C15orf40: variants seen among roughly 807,000 people sequenced by gnomAD.
C15orf40 encodes the protein UPF0235 protein C15orf40.
Under a neutral mutation model 13.9 loss-of-function variants are expected in C15orf40, and 9 were observed. The observed-to-expected ratio is 0.65, with a 90% CI of 0.39 to 1.13. The LOEUF is 1.13. C15orf40 is among the 50% of genes most tolerant of loss of function. The probability of loss-of-function intolerance (pLI) is 0.01; values close to 1 mark genes in which losing one functional copy is unlikely to be tolerated. For synonymous variants in C15orf40, 95 were observed against 69.2 expected, an observed-to-expected ratio of 1.37 and a Z score of -1.85; for missense variants, 225 against 188.5, an observed-to-expected ratio of 1.19 and a Z score of -1.13.
intron 1 of C15orf40, chr15:83,010,769 A>G: frequency 6.0e-6 from 1 of 165,304 alleles, no homozygotes; most frequent in Non-Finnish European, 1.3e-5. Flanking sequence ...AAAAAAAAAT[A>G]GTGCTTGATA....
intron 2 of C15orf40, among the ~76,000 whole-genome samples, chr15:83,009,934 G>A (rs1025348047): frequency 6.6e-6 from 1 of 152,072 alleles, no homozygotes; most frequent in Non-Finnish European, 1.5e-5. Context: ...CTCCAGTTTT[G>A]GAACAGGACA....
rs2032005658 is a variant in C15orf40, at chr15:83,011,417, C to G, written c.111+80G>C. 2.1e-6 allele frequency: 3 copies of G among 1,463,174 alleles called. No individual in the cohort carries two copies. In the South Asian group the frequency reaches 3.8e-5, roughly 18 times the overall value. 90.6% of individuals were successfully genotyped at this position (1,463,174 alleles called of 1,614,324 possible). The stretch of plus-strand genomic sequence containing the variant: ...GCCGCTGGCAGTGCCTCCACTCACT[C>G]CCGGGCCCCGCTTCTCCCGCGCTCT... On this transcript the variant is annotated intron_variant, in intron 1 of 3. Transcript: ENST00000304177.
rs990290124 is a variant in C15orf40 at position 83,001,208 on chromosome 15, A to T, written c.*4389T>A. ...TGTGGAATGGCTCACAGAAATCAGA[A>T]GTCTGAAATCTCTGCTCCTGCCTCC... is the stretch of plus-strand genomic sequence containing the variant. On this transcript the variant is annotated 3_prime_UTR_variant, in exon 4 of 4. Coordinates refer to ENST00000304177, the MANE Select transcript of C15orf40 (RefSeq NM_144597.3). 19 of 985,346 alleles carry T rather than the reference A, an allele frequency of 1.9e-5. No homozygotes were observed. The highest frequency in any genetic ancestry group is 2.2e-5 in the Non-Finnish European group (18 of 829,958). The allele number at this position is 985,346 out of a possible 1,614,324, so 61.0% of individuals were successfully genotyped here. A position where few individuals can be genotyped will look rare whatever the true frequency, so the allele number is the denominator to read the frequency against.
downstream of C15orf40, chr15:82,992,137 G>C (rs2030889337): frequency 2.7e-6 from 1 of 368,970 alleles, no homozygotes; most frequent in Non-Finnish European, 5.3e-6. Context: ...GCTCCCTTGA[G>C]TCCGGGAAGA....
Position 83,001,273 on chromosome 15 carries a change from C to T in C15orf40, c.*4324G>A, listed in dbSNP as rs1234482869. The T allele has an allele frequency of 1.0e-5, 10 of 985,292 alleles. No homozygotes were observed. The highest frequency in any genetic ancestry group is 3.5e-5 in the African/African-American group (2 of 57,226). The allele number at this position is 985,292 out of a possible 1,614,324, so 61.0% of individuals were successfully genotyped here. On this transcript the variant is annotated 3_prime_UTR_variant, in exon 4 of 4. Coordinates refer to ENST00000304177, the MANE Select transcript of C15orf40 (RefSeq NM_144597.3). ...CAGGCTGTTCTTTCCCAGGATCTGT[C>T]GAAGTACAGCATAGGCAAACCACCT...
Position 83,001,213 on chromosome 15 carries a change from G to C in C15orf40, c.*4384C>G. On this transcript the variant is annotated 3_prime_UTR_variant, in exon 4 of 4. Coordinates refer to ENST00000304177, the MANE Select transcript of C15orf40 (RefSeq NM_144597.3). Reference sequence around the variant, plus strand: ...AATGGCTCACAGAAATCAGAAGTCTGAAATCTCTGCTCCTGCCTCCAGGGC... The same window carrying C: ...AATGGCTCACAGAAATCAGAAGTCTCAAATCTCTGCTCCTGCCTCCAGGGC... The C allele has an allele frequency of 1.0e-6, 1 of 985,474 alleles. No homozygotes were observed. The highest frequency in any genetic ancestry group is 1.2e-6 in the Non-Finnish European group (1 of 829,956). The allele number at this position is 985,474 out of a possible 1,614,324, so 61.0% of individuals were successfully genotyped here. A position where few individuals can be genotyped will look rare whatever the true frequency, so the allele number is the denominator to read the frequency against.
rs1233431882 is a variant in C15orf40 at position 83,000,672 on chromosome 15, T to A, written c.*4925A>T. The A allele has an allele frequency of 6.6e-6, 1 of 152,216 alleles. No individual in the cohort carries two copies. Among genetic ancestry groups the A allele is most frequent in the African/African-American group, 2.4e-5 (1 of 41,462 alleles). 9.4% of individuals were successfully genotyped at this position (152,216 alleles called of 1,614,324 possible). ...CACTAGTTACATGCATTAAAACAAT[T>A]TGAATTTGGGGCCATGTGGGTTCTA... On this transcript the variant is annotated 3_prime_UTR_variant, in exon 4 of 4. Coordinates refer to ENST00000304177, the MANE Select transcript of C15orf40 (RefSeq NM_144597.3).
At chr15:82,990,896 A>G, downstream of C15orf40, 1 of 430,286 alleles carries the variant, frequency 2.3e-6, no homozygotes. Context: ...ACAATGTTAT[A>G]TTCACTTCCA....
rs1305085886 is a variant in C15orf40, at chr15:82,997,919, G to C, written c.*7678C>G. 8.2e-6 allele frequency: 1 copy of C among 122,640 alleles called. No homozygotes were observed. The highest frequency in any genetic ancestry group is 1.7e-5 in the Non-Finnish European group (1 of 58,546). The allele number at this position is 122,640 out of a possible 1,614,324, so 7.6% of individuals were successfully genotyped here. ...TCCCAGTAGGGGCGGCCGGGCAGAGGCGCCCCTCACCTCCCAGACGGGGCG... is the reference window on the plus strand; with the variant it reads ...TCCCAGTAGGGGCGGCCGGGCAGAGCCGCCCCTCACCTCCCAGACGGGGCG... On this transcript the variant is annotated 3_prime_UTR_variant, in exon 4 of 4. Coordinates refer to ENST00000304177, the MANE Select transcript of C15orf40 (RefSeq NM_144597.3).
At chr15:83,008,433 A>G in intron 3 of C15orf40, 115 bp downstream of exon 3, 1 of 1,049,734 alleles carries the variant, frequency 9.5e-7, no homozygotes, top group Non-Finnish European at 1.4e-6. Flanking sequence ...GCAGGAGAAT[A>G]GCTTGAACCC....
Position 83,001,119 on chromosome 15 carries a change from G to A in C15orf40, c.*4478C>T. ...TAAGCCACTGCACTGGCCTAGGTGT[G>A]CACTGCAAAGGTTCCACCTTCATCC... On this transcript the variant is annotated 3_prime_UTR_variant, in exon 4 of 4. Coordinates refer to ENST00000304177, the MANE Select transcript of C15orf40 (RefSeq NM_144597.3). 1 of 985,470 alleles carries A rather than the reference G, an allele frequency of 1.0e-6. No homozygotes were observed. Among genetic ancestry groups the A allele is most frequent in the Non-Finnish European group, 1.2e-6 (1 of 829,942 alleles). 61.0% of individuals were successfully genotyped at this position (985,470 alleles called of 1,614,324 possible).
rs2151281964 is a variant in C15orf40 at position 83,001,670 on chromosome 15, T to A, written c.*3927A>T. On this transcript the variant is annotated 3_prime_UTR_variant, in exon 4 of 4. Transcript: ENST00000304177. ...GTCTACTTCAGTATTTACAGGGGAA[T>A]ACCAGGGCCCAGATGATGAAAAGTA... The A allele has an allele frequency of 6.6e-6, 1 of 152,304 alleles. No individual in the cohort carries two copies. Among genetic ancestry groups the A allele is most frequent in the Admixed American group, 6.5e-5 (1 of 15,296 alleles). 9.4% of individuals were successfully genotyped at this position (152,304 alleles called of 1,614,324 possible). A position where few individuals can be genotyped will look rare whatever the true frequency, so the allele number is the denominator to read the frequency against.
downstream of C15orf40, among the ~76,000 whole-genome samples, chr15:82,992,671 G>A (rs1398687405): frequency 1.3e-5 from 2 of 152,178 alleles, no homozygotes; most frequent in Non-Finnish European, 2.9e-5. Flanking sequence ...GGCCAGCGCT[G>A]GAGGAGTACT....
downstream of C15orf40, chr15:82,992,166 C>T (rs2030890557): frequency 5.5e-6 from 2 of 361,230 alleles, no homozygotes; most frequent in Admixed American, 7.5e-5. Flanking sequence ...CTACAGTGAG[C>T]TAGGATCATG....
In C15orf40 at chr15:82,997,339, G is replaced by A. The variant is rs2031144284; in HGVS notation, c.*8258C>T. The A allele has an allele frequency of 2.0e-5, 3 of 147,224 alleles. No individual in the cohort carries two copies. The highest frequency in any genetic ancestry group is 6.9e-3 in the Middle Eastern group (2 of 290). 9.1% of individuals were successfully genotyped at this position (147,224 alleles called of 1,614,324 possible). On this transcript the variant is annotated 3_prime_UTR_variant, in exon 4 of 4. Coordinates refer to ENST00000304177, the MANE Select transcript of C15orf40 (RefSeq NM_144597.3). ...AAGGTCTCTGGTTTTCCTAGGCAGA[G>A]GACCCTGCGGCCTTCCGCAGTGTTT...
intron 1 of C15orf40, 170 bp downstream of exon 1, chr15:83,011,327 G>C (rs1027898672): frequency 1.5e-5 from 10 of 675,286 alleles, no homozygotes; most frequent in Middle Eastern, 4.5e-4. Context: ...GCGGGGCGAC[G>C]GCAGCAGGCC....
rs973781097 is a variant in C15orf40 at position 83,010,545 on chromosome 15, C to G, written c.112-182G>C. On this transcript the variant is annotated intron_variant, in intron 1 of 3. Coordinates refer to ENST00000304177, the MANE Select transcript of C15orf40 (RefSeq NM_144597.3). ...TTCAAGGCTCTACTCAATTTTCCCA[C>G]GAAGGGTTCCCATCAACCCAACAGT... The G allele has an allele frequency of 3.8e-5, 24 of 624,794 alleles. No homozygotes were observed. In the African/African-American group the frequency reaches 4.3e-4, roughly 11 times the overall value. 38.7% of individuals were successfully genotyped at this position (624,794 alleles called of 1,614,324 possible).
Position 83,002,264 on chromosome 15 carries a change from G to T in C15orf40, c.*3333C>A, listed in dbSNP as rs981909741. The T allele has an allele frequency of 2.0e-5, 3 of 152,170 alleles. No homozygotes were observed. Among genetic ancestry groups the T allele is most frequent in the African/African-American group, 7.2e-5 (3 of 41,414 alleles). 9.4% of individuals were successfully genotyped at this position (152,170 alleles called of 1,614,324 possible). ...CATATCTTCTTTGTTACAAGATACT[G>T]CTACGTTTCTCAAAGAAAAAAACTC... is the stretch of plus-strand genomic sequence containing the variant. On this transcript the variant is annotated 3_prime_UTR_variant, in exon 4 of 4. Transcript: ENST00000304177.
At chr15:82,989,055 G>T (rs777080248), downstream of C15orf40, 6 of 1,613,580 alleles carry the variant, frequency 3.7e-6, no homozygotes, top group Non-Finnish European at 5.1e-6. Flanking sequence ...AAAGTTTGAA[G>T]AGATGTTTGC....
Sources: gnomAD v4.1 joint callset for allele counts (sites outside exome capture counted in the v4.1 genomes callset) on GRCh38, gnomAD v4.1.1 for gene constraint, MANE v1.5 for transcripts, NCBI Gene and HGNC (gene_info 2026-07-23, HGNC 2026-07-21) for gene names.